The following MAML2 variants were observed in gnomAD, a reference collection of about 807,000 sequenced individuals.
MAML2 encodes the protein mastermind-like protein 2.
MAML2 carries 22 observed loss-of-function variants against 96.1 expected under a neutral mutation model. The observed-to-expected ratio is 0.23, with a 90% CI of 0.16 to 0.33. The LOEUF (loss-of-function observed/expected upper bound fraction) is 0.33, where lower values mean the gene tolerates loss of function less well. Ranked by LOEUF, MAML2 falls within the 10% of genes least tolerant of loss-of-function variation. The probability of loss-of-function intolerance (pLI) is 1.00; values close to 1 mark genes in which losing one functional copy is unlikely to be tolerated. For missense variants in MAML2, 1,367 were observed against 1,392.4 expected (o/e 0.98, Z 0.29); for synonymous variants, 561 against 521.3 (o/e 1.08, Z -1.04).
intron 1 of MAML2, among the ~76,000 whole-genome samples, chr11:96,252,485 G>A (rs192274797): frequency 3.8e-4 from 56 of 146,922 alleles, no homozygotes; most frequent in African/African-American, 1.4e-3. Context: ...GAGTGCAGTG[G>A]AGCGATCTCT....
intron 1 of MAML2, among the ~76,000 whole-genome samples, chr11:96,214,447 G>A (rs1379271401): frequency 1.3e-5 from 2 of 152,186 alleles, no homozygotes; most frequent in Non-Finnish European, 2.9e-5. Context: ...AAGATTAAAT[G>A]TGATAAAGAA....
chr11:96,121,626 T>C (rs1244095221), intron 1 of MAML2, among the ~76,000 whole-genome samples: 1 of 151,870 alleles, frequency 6.6e-6, no homozygotes, highest in Non-Finnish European at 1.5e-5. Context: ...AAAATTGTTC[T>C]GATTAATGGG....
intron 1 of MAML2, among the ~76,000 whole-genome samples, chr11:96,333,142 A>T (rs1034575510): frequency 5.9e-5 from 9 of 152,208 alleles, no homozygotes; most frequent in Non-Finnish European, 1.2e-4. Flanking sequence ...AAGAATTACA[A>T]ATATAACTCA....
chr11:96,218,125 C>T (rs949971465), intron 1 of MAML2, among the ~76,000 whole-genome samples: 2 of 152,202 alleles, frequency 1.3e-5, no homozygotes, highest in African/African-American at 4.8e-5. Context: ...GGTACTTGTA[C>T]TAATTCCAAG....
At chr11:96,149,451 G>A (rs1166999526) in intron 1 of MAML2, among the ~76,000 whole-genome samples, 1 of 140,766 alleles carries the variant, frequency 7.1e-6, no homozygotes, top group Non-Finnish European at 1.5e-5. Flanking sequence ...TAAGTTTTCA[G>A]CCAGGCGCAG....
At chr11:96,084,517 T>G (rs968629153) in intron 2 of MAML2, among the ~76,000 whole-genome samples, 2 of 152,156 alleles carry the variant, frequency 1.3e-5, no homozygotes, top group Admixed American at 1.3e-4. Context: ...CTCATGCCTC[T>G]TCCCAGCATG....
At chr11:95,993,696 C>T (rs565756547) in intron 2 of MAML2, among the ~76,000 whole-genome samples, 2 of 152,046 alleles carry the variant, frequency 1.3e-5, no homozygotes, top group African/African-American at 2.4e-5. Flanking sequence ...AACTATGTGC[C>T]GAGCTGAAAT....
At chr11:96,234,298 G>A (rs560780217) in intron 1 of MAML2, among the ~76,000 whole-genome samples, 24 of 152,158 alleles carry the variant, frequency 1.6e-4, no homozygotes, top group Admixed American at 9.2e-4. Context: ...CCTGACCAAC[G>A]TGGAGGAACC....
At chr11:96,157,765 T>C (rs1400646365) in intron 1 of MAML2, among the ~76,000 whole-genome samples, 1 of 152,234 alleles carries the variant, frequency 6.6e-6, no homozygotes, top group Non-Finnish European at 1.5e-5. Flanking sequence ...AGCTTGTACA[T>C]GTGGGTTCCA....
intron 1 of MAML2, among the ~76,000 whole-genome samples, chr11:96,126,169 A>G (rs1860434489): frequency 2.0e-5 from 3 of 152,218 alleles, no homozygotes. Flanking sequence ...GATATAGGAC[A>G]TTGTCACTGG....
At chr11:96,292,408 G>T (rs1395592186) in intron 1 of MAML2, among the ~76,000 whole-genome samples, 4 of 152,200 alleles carry the variant, frequency 2.6e-5, no homozygotes, top group African/African-American at 7.2e-5. Context: ...AAATGCTATA[G>T]ATACTTTTTC....
chr11:96,335,935 G>A (rs1457703976), intron 1 of MAML2, among the ~76,000 whole-genome samples: 1 of 152,058 alleles, frequency 6.6e-6, no homozygotes, highest in Non-Finnish European at 1.5e-5. Context: ...AGGCCCTGCT[G>A]GTGACCCATG....
intron 1 of MAML2, among the ~76,000 whole-genome samples, chr11:96,263,184 C>T (rs1220078310): frequency 6.6e-6 from 1 of 152,170 alleles, no homozygotes; most frequent in Non-Finnish European, 1.5e-5. Flanking sequence ...ATTTATTCAA[C>T]TTTTCTTTTA....
intron 1 of MAML2, among the ~76,000 whole-genome samples, chr11:96,278,628 T>C (rs1330698798): frequency 6.6e-6 from 1 of 152,152 alleles, no homozygotes; most frequent in Admixed American, 6.5e-5. Context: ...ACTCATTGAG[T>C]AGTGAAAGAT....
chr11:96,256,838 A>G (rs915061663), intron 1 of MAML2, among the ~76,000 whole-genome samples: 1 of 152,228 alleles, frequency 6.6e-6, no homozygotes, highest in African/African-American at 2.4e-5. Context: ...GTTTGACTCT[A>G]TCAAATGCCA....
Position 96,092,632 on chromosome 11 carries a change from A to C in MAML2, c.1399T>G (p.Ser467Ala), listed in dbSNP as rs750202536. Reference sequence around the variant, plus strand: ...AATGGACCTGGTGATGGTCCAGCAGAAGAGGGCAAGGCTGACCAGTTGGTA... The same window carrying C: ...AATGGACCTGGTGATGGTCCAGCAGCAGAGGGCAAGGCTGACCAGTTGGTA... ...QPTNWSALPS[S>A]AGPSPGPFGQ... Residue 467 changes from serine to alanine, a missense_variant, in exon 2 of 5, where the codon TCT becomes GCT. By Grantham distance (99) the Ser-to-Ala change is moderately conservative. Transcript: ENST00000524717. The surrounding 1 kb of genome is among the most constrained non-coding windows in gnomAD (Gnocchi z 4.1). 5 of 1,613,494 alleles carry C rather than the reference A, an allele frequency of 3.1e-6. No homozygotes were observed. In the Admixed American group the frequency reaches 8.3e-5, roughly 27 times the overall value.
chr11:96,192,410 C>T (rs1861666427), intron 1 of MAML2, among the ~76,000 whole-genome samples: 1 of 152,214 alleles, frequency 6.6e-6, no homozygotes, highest in South Asian at 2.1e-4. Flanking sequence ...AAGAAGGAGC[C>T]CATCAGGTGC....
chr11:96,220,060 T>C (rs1464666454), intron 1 of MAML2, among the ~76,000 whole-genome samples: 2 of 152,254 alleles, frequency 1.3e-5, no homozygotes, highest in Non-Finnish European at 2.9e-5. Flanking sequence ...ATCATTGCCA[T>C]GATCTTTATA....
At chr11:96,268,747 T>C (rs1000091425) in intron 1 of MAML2, among the ~76,000 whole-genome samples, 12 of 151,616 alleles carry the variant, frequency 7.9e-5, no homozygotes, top group Admixed American at 5.3e-4. Flanking sequence ...CTGATGGTTT[T>C]ATAAAGGGGA....
Sources: allele counts gnomAD v4.1 joint callset (sites outside exome capture counted in the v4.1 genomes callset), GRCh38; gene constraint gnomAD v4.1.1; non-coding constraint Gnocchi (gnomAD v3.1); transcripts MANE v1.5; gene names NCBI Gene and HGNC (gene_info 2026-07-23, HGNC 2026-07-21).